Variants in THSD7B observed in about 807,000 individuals in gnomAD.
THSD7B encodes the protein thrombospondin type 1 domain containing 7B.
A neutral mutation model predicts 213.6 loss-of-function variants in THSD7B; 138 were observed. That is an observed-to-expected ratio of 0.65 (90% confidence interval 0.56 to 0.74). The LOEUF (loss-of-function observed/expected upper bound fraction) is 0.74. Among genes scored for constraint, THSD7B ranks in the 30% least tolerant of loss-of-function variants. THSD7B has a pLI of 0.00. For synonymous variants in THSD7B, 742 were observed against 687.0 expected (o/e 1.08, Z -1.25); for missense variants, 1,931 against 1,991.5 (o/e 0.97, Z 0.58).
chr2:136,766,298 C>G (rs1037863382), intron 1 of THSD7B, among the ~76,000 whole-genome samples: 4 of 151,942 alleles, frequency 2.6e-5, no homozygotes, highest in African/African-American at 9.7e-5. Context: ...GCTGTAGCAA[C>G]AGTTTACATT....
rs1206089778 is a variant in THSD7B, at chr2:137,373,257, C to A, written c.2501-32356C>A. 3.9e-5 allele frequency among the ~76,000 whole-genome samples: 6 copies of A among 152,220 alleles called. No homozygotes were observed. The South Asian group carries it at 1.2e-3, about 32-fold the overall frequency. Reference sequence around the variant, plus strand: ...CAAATGGTATTTCTAGTTCTAGATCCCTGAGGAATCACCACACTGACTTCC... The same window carrying A: ...CAAATGGTATTTCTAGTTCTAGATCACTGAGGAATCACCACACTGACTTCC... On this transcript the variant is annotated intron_variant, in intron 12 of 27. Coordinates refer to ENST00000409968, the MANE Select transcript of THSD7B (RefSeq NM_001316349.2).
chr2:136,955,745 G>C (rs1203363495), intron 2 of THSD7B, among the ~76,000 whole-genome samples: 2 of 152,120 alleles, frequency 1.3e-5, no homozygotes, highest in Non-Finnish European at 2.9e-5. Context: ...CAGAAATATA[G>C]AAACTATATG....
At chr2:136,960,848 G>A (rs1410916740) in intron 2 of THSD7B, among the ~76,000 whole-genome samples, 2 of 151,990 alleles carry the variant, frequency 1.3e-5, no homozygotes, top group African/African-American at 4.8e-5. Context: ...CCAGCTCTTA[G>A]GGAGGCCGAG....
intron 6 of THSD7B, among the ~76,000 whole-genome samples, chr2:137,169,607 A>C (rs1680203276): frequency 6.6e-6 from 1 of 152,148 alleles, no homozygotes; most frequent in Admixed American, 6.5e-5. Context: ...ATGAATAACA[A>C]TTTCTTAAAA....
In THSD7B at chr2:137,659,590, T is replaced by A. The variant is rs1683303651; in HGVS notation, c.4376-74T>A. The A allele has an allele frequency of 3.5e-6, 5 of 1,413,700 alleles. No homozygotes were observed. The South Asian group carries it at 5.5e-5, about 15-fold the overall frequency. The allele number at this position is 1,413,700 out of a possible 1,614,324, so 87.6% of individuals were successfully genotyped here. ...GTTGCAAAGAGGCCGGTGGCACAGG[T>A]TAAAAAAAAATACCAAAAAATTAGA... On this transcript the variant is annotated intron_variant, in intron 24 of 27. Coordinates refer to ENST00000409968, the MANE Select transcript of THSD7B (RefSeq NM_001316349.2).
At chr2:137,214,135 A>G (rs375844600) in intron 7 of THSD7B, among the ~76,000 whole-genome samples, 24 of 152,242 alleles carry the variant, frequency 1.6e-4, no homozygotes, top group African/African-American at 5.3e-4. Flanking sequence ...TAACTCGTTC[A>G]TTTTTGTGTT....
intron 17 of THSD7B, among the ~76,000 whole-genome samples, chr2:137,606,922 T>G: frequency 6.6e-6 from 1 of 152,156 alleles, no homozygotes; most frequent in African/African-American, 2.4e-5. Context: ...ACCCTTTGGG[T>G]GGCATATAGA....
rs1307054717 is a variant in THSD7B, at chr2:137,399,152, A to C, written c.2501-6461A>C. 4.0e-5 allele frequency among the ~76,000 whole-genome samples: 6 copies of C among 150,550 alleles called. No individual in the cohort carries two copies. In the East Asian group the frequency reaches 1.2e-3, roughly 30 times the overall value. On this transcript the variant is annotated intron_variant, in intron 12 of 27. Transcript: ENST00000409968. ...GCGTCACTCTCGCTGGGAGCTGTAG[A>C]CTGGAGCTGTTCCTATTCGGCCATC...
At chr2:137,295,327 A>G (rs184383880) in intron 12 of THSD7B, among the ~76,000 whole-genome samples, 15 of 152,248 alleles carry the variant, frequency 9.9e-5, no homozygotes, top group African/African-American at 3.1e-4. Flanking sequence ...AAATATATCT[A>G]TTACACAAAT....
At chr2:137,636,269 CGT>C (rs34618061) in intron 20 of THSD7B, among the ~76,000 whole-genome samples, 12,253 of 152,136 alleles carry the variant, frequency 0.081, 658 homozygotes, top group Non-Finnish European at 0.12. Context: ...GTAAATTAAA[CGT>C]GTGTCCACTA....
intron 5 of THSD7B, among the ~76,000 whole-genome samples, chr2:137,143,152 C>T (rs1487586800): frequency 6.6e-6 from 1 of 152,098 alleles, no homozygotes; most frequent in Non-Finnish European, 1.5e-5. Context: ...CCTGGCTATG[C>T]CTGGCTTTTT....
intron 2 of THSD7B, among the ~76,000 whole-genome samples, chr2:137,014,456 C>T (rs1211444695): frequency 6.6e-6 from 1 of 152,158 alleles, no homozygotes; most frequent in African/African-American, 2.4e-5. Context: ...ACACTTTTTT[C>T]ACCTGTAGGC....
chr2:137,170,866 A>G lies in THSD7B; in HGVS notation c.1651A>G (p.Ile551Val). Residue 551 changes from isoleucine (I) to valine (V), a missense_variant, in exon 7 of 28, where the codon ATC becomes GTC. Physicochemically the swap from Ile to Val is conservative, Grantham distance 29. Coordinates refer to ENST00000409968, the MANE Select transcript of THSD7B (RefSeq NM_001316349.2). ...MCYRWLASEG[I>V]CFPDHGKCGL... is the part of the protein sequence containing the mutation. The stretch of plus-strand genomic sequence containing the variant: ...CTACCGATGGCTGGCATCAGAAGGG[A>G]TCTGTTTCCCTGATCATGGAAAATG... 6.2e-7 allele frequency: 1 copy of G among 1,613,556 alleles called. No individual in the cohort carries two copies. The highest frequency in any genetic ancestry group is 8.5e-7 in the Non-Finnish European group (1 of 1,179,770).
intron 3 of THSD7B, among the ~76,000 whole-genome samples, chr2:137,091,645 TG>T (rs1687950492): frequency 6.6e-6 from 1 of 152,150 alleles, no homozygotes; most frequent in Non-Finnish European, 1.5e-5. Flanking sequence ...CCTCCCGCTG[TG>T]TCTTCACATG....
chr2:137,602,303 C>T (rs566668153), intron 17 of THSD7B, among the ~76,000 whole-genome samples: 1 of 151,964 alleles, frequency 6.6e-6, no homozygotes, highest in East Asian at 1.9e-4. Context: ...TGGAGTCTTG[C>T]TCCTTCGCCA....
chr2:137,676,604 A>AAT lies in THSD7B; in HGVS notation c.4821_*1dup. 6.4e-7 allele frequency: 1 copy of AAT among 1,570,020 alleles called. No individual in the cohort carries two copies. Among genetic ancestry groups the AAT allele is most frequent in the Non-Finnish European group, 8.6e-7 (1 of 1,161,118 alleles). ...TLAYDGDLDM[*] ...GCCTACGATGGAGACTTAGACATGT[A>AAT]ATCTGAAAAAGAAATCCAAATGTAG... The change falls in exon 28 of 28, where the codon TAA becomes TAATA. Residue 1607 remains the stop codon, a frameshift_variant and stop_retained_variant. Transcript: ENST00000409968. LOFTEE classifies it high-confidence loss of function.
At chr2:136,888,944 GGTGTGTGTGTGTGT>G (rs5834520) in intron 2 of THSD7B, among the ~76,000 whole-genome samples, 1 of 72,872 alleles carries the variant, frequency 1.4e-5, no homozygotes, top group Admixed American at 1.4e-4. Flanking sequence ...TGTCTTTTGG[GGTGTGTGTGTGTGT>G]GTGTGTGTGT....
chr2:137,056,510 ACCTGTCT>A lies in THSD7B; in HGVS notation c.231_237del (p.His77GlnfsTer54), dbSNP rs772398946. The A allele has an allele frequency of 1.2e-6, 2 of 1,613,934 alleles. No homozygotes were observed. The highest frequency in any genetic ancestry group is 2.2e-5 in the South Asian group (2 of 91,078). On this transcript the variant is annotated frameshift_variant, in exon 3 of 28. Coordinates refer to ENST00000409968, the MANE Select transcript of THSD7B (RefSeq NM_001316349.2). LOFTEE classifies it high-confidence loss of function. Reference sequence around the variant, plus strand: ...TTTCATGTTGACGGGTGGACAAGTCACCTGTCTAACTGTGGTGAGAGCAACAGGCCTC... The same window carrying A: ...TTTCATGTTGACGGGTGGACAAGTCAAACTGTGGTGAGAGCAACAGGCCTC...
intron 15 of THSD7B, among the ~76,000 whole-genome samples, chr2:137,495,549 T>C (rs1679541673): frequency 6.6e-6 from 1 of 152,146 alleles, no homozygotes; most frequent in African/African-American, 2.4e-5. Context: ...CCCCAAGGAT[T>C]ATCTTGGGAG....
Sources: gnomAD v4.1 joint callset for allele counts (sites outside exome capture counted in the v4.1 genomes callset) on GRCh38, gnomAD v4.1.1 for gene constraint, MANE v1.5 for transcripts, NCBI Gene and HGNC (gene_info 2026-07-23, HGNC 2026-07-21) for gene names.